CIMIP6: variants seen among roughly 807,000 people sequenced by gnomAD.
The protein encoded by CIMIP6 is ciliary microtubule inner protein 6, also known as uncharacterized protein C2orf73.
At chr2:54,367,144 A>G in the CIMIP6 span, among the ~76,000 whole-genome samples, 1 of 152,128 alleles carries the variant, frequency 6.6e-6, no homozygotes, top group East Asian at 1.9e-4. Context: ...CTTCACTGAA[A>G]TATTAAAAGA....
chr2:54,331,138 A>T, the CIMIP6 span: 1 of 778,928 alleles, frequency 1.3e-6, no homozygotes, highest in African/African-American at 1.7e-5. Flanking sequence ...CAGTTGGCTG[A>T]GCGCTTACAA....
the CIMIP6 span, among the ~76,000 whole-genome samples, chr2:54,378,392 T>G: frequency 3.3e-5 from 5 of 152,002 alleles, no homozygotes; most frequent in East Asian, 9.6e-4. Flanking sequence ...CCAACAGGAG[T>G]TTAAAATAAC....
the CIMIP6 span, chr2:54,382,032 G>C: frequency 6.8e-7 from 1 of 1,474,024 alleles, no homozygotes; most frequent in East Asian, 2.7e-5. Context: ...CTAAGGCCCA[G>C]AGAAGTTAGG....
the CIMIP6 span, chr2:54,383,799 C>CAGGA: frequency 6.6e-6 from 1 of 151,604 alleles, no homozygotes; most frequent in African/African-American, 2.4e-5. Context: ...AGAGGTGGGA[C>CAGGA]CTTTCAGAGG....
At chr2:54,350,754 G>A in the CIMIP6 span, among the ~76,000 whole-genome samples, 2 of 152,216 alleles carry the variant, frequency 1.3e-5, no homozygotes, top group East Asian at 1.9e-4. Context: ...GAGTTTAGGA[G>A]TAGCCAACTC....
the CIMIP6 span, among the ~76,000 whole-genome samples, chr2:54,336,206 A>C: frequency 6.6e-6 from 1 of 152,244 alleles, no homozygotes; most frequent in Non-Finnish European, 1.5e-5. Flanking sequence ...CTCCATCACA[A>C]TCAAGCTATG....
the CIMIP6 span, among the ~76,000 whole-genome samples, chr2:54,356,747 A>G: frequency 3.0e-3 from 461 of 152,346 alleles, 1 homozygote; most frequent in African/African-American, 9.6e-3. Context: ...TAGAATTTCA[A>G]TGAAGTTCAG....
the CIMIP6 span, among the ~76,000 whole-genome samples, chr2:54,354,117 C>G: frequency 6.6e-6 from 1 of 152,028 alleles, no homozygotes; most frequent in Non-Finnish European, 1.5e-5. Flanking sequence ...TGCACTTTTC[C>G]CATTTACTTA....
At chr2:54,342,584 AG>A in the CIMIP6 span, among the ~76,000 whole-genome samples, 6 of 151,208 alleles carry the variant, frequency 4.0e-5, no homozygotes, top group African/African-American at 1.5e-4. Context: ...AGCTCATTTG[AG>A]AGCTGACTCC....
chr2:54,336,077 C>T, the CIMIP6 span, among the ~76,000 whole-genome samples: 68 of 152,298 alleles, frequency 4.5e-4, no homozygotes, highest in Non-Finnish European at 6.8e-4. Flanking sequence ...GGGCTTAAAT[C>T]ACGAACATCT....
the CIMIP6 span, among the ~76,000 whole-genome samples, chr2:54,342,981 A>G: frequency 6.6e-6 from 1 of 152,190 alleles, no homozygotes; most frequent in African/African-American, 2.4e-5. Context: ...TCAAATTGTC[A>G]TACATGCTAA....
the CIMIP6 span, among the ~76,000 whole-genome samples, chr2:54,375,443 A>G: frequency 6.6e-6 from 1 of 152,200 alleles, no homozygotes; most frequent in African/African-American, 2.4e-5. Flanking sequence ...TAGTTGGGTA[A>G]AAACTGAAAA....
chr2:54,365,654 A>T, the CIMIP6 span, among the ~76,000 whole-genome samples: 1 of 152,170 alleles, frequency 6.6e-6, no homozygotes, highest in African/African-American at 2.4e-5. Flanking sequence ...ACTAAAGCCA[A>T]GCAGATGCCA....
chr2:54,333,654 C>T, the CIMIP6 span, among the ~76,000 whole-genome samples: 10 of 152,058 alleles, frequency 6.6e-5, no homozygotes, highest in East Asian at 1.7e-3. Flanking sequence ...TTTGGGAGGC[C>T]GAGGCTGGCA....
chr2:54,362,420 T>G, the CIMIP6 span, among the ~76,000 whole-genome samples: 4 of 152,198 alleles, frequency 2.6e-5, no homozygotes, highest in Non-Finnish European at 4.4e-5. Context: ...TTAGAAAATT[T>G]TATTATGTTG....
At chr2:54,331,769 T>A in the CIMIP6 span, among the ~76,000 whole-genome samples, 2 of 151,716 alleles carry the variant, frequency 1.3e-5, no homozygotes, top group Non-Finnish European at 1.5e-5. Context: ...TACCTTAAAT[T>A]GAGACTATTA....
chr2:54,338,517 TAAAG>T, the CIMIP6 span, among the ~76,000 whole-genome samples: 150 of 75,540 alleles, frequency 2.0e-3, 58 homozygotes, highest in African/African-American at 6.6e-3. Context: ...CAAGAAATAA[TAAAG>T]AATGTATATT....
At chr2:54,343,957 C>A in the CIMIP6 span, 1 of 1,199,654 alleles carries the variant, frequency 8.3e-7, no homozygotes, top group Non-Finnish European at 1.1e-6. Flanking sequence ...GTCCGGACAG[C>A]TCCTGAAAAT....
chr2:54,376,148 G>C, the CIMIP6 span, among the ~76,000 whole-genome samples: 1 of 151,762 alleles, frequency 6.6e-6, no homozygotes, highest in East Asian at 1.9e-4. Context: ...CAATCCTCCT[G>C]CCTCAGCCTC....
Sources: allele counts gnomAD v4.1 joint callset (sites outside exome capture counted in the v4.1 genomes callset), GRCh38; gene constraint gnomAD v4.1.1; transcripts MANE v1.5; gene names NCBI Gene and HGNC (gene_info 2026-07-23, HGNC 2026-07-21).